The following GLIS3 variants were observed in gnomAD, a reference collection of about 807,000 sequenced individuals.
GLIS3 encodes the protein zinc finger protein GLIS3.
A neutral mutation model predicts 78.6 loss-of-function variants in GLIS3; 53 were observed. The observed-to-expected ratio is 0.67, with a 90% CI of 0.54 to 0.85. The LOEUF (loss-of-function observed/expected upper bound fraction) is 0.85. Among genes scored for constraint, GLIS3 ranks in the 40% least tolerant of loss-of-function variants. The pLI, the probability that GLIS3 is intolerant of heterozygous loss-of-function variation, is 0.00. For missense variants in GLIS3, 1,703 were observed against 1,231.1 expected (o/e 1.38, Z -5.74); for synonymous variants, 684 against 509.9 (o/e 1.34, Z -4.60).
chr9:4,221,229 G>A (rs763522262), intron 2 of GLIS3, among the ~76,000 whole-genome samples: 6 of 152,078 alleles, frequency 3.9e-5, no homozygotes, highest in Non-Finnish European at 2.9e-5. Flanking sequence ...AAAATGATAA[G>A]GCAGAAATGA....
the GLIS3 span, among the ~76,000 whole-genome samples, chr9:4,400,770 C>T: frequency 6.6e-6 from 1 of 152,220 alleles, no homozygotes; most frequent in African/African-American, 2.4e-5. Context: ...GAGGACCCTG[C>T]TCCAGGCCCT....
chr9:4,434,863 C>G, the GLIS3 span, among the ~76,000 whole-genome samples: 1 of 152,190 alleles, frequency 6.6e-6, no homozygotes, highest in African/African-American at 2.4e-5. Context: ...CCATGTGAGA[C>G]CAGTGCTGAG....
At chr9:4,183,294 A>G (rs757707049) in intron 2 of GLIS3, among the ~76,000 whole-genome samples, 12 of 152,230 alleles carry the variant, frequency 7.9e-5, no homozygotes, top group Non-Finnish European at 1.8e-4. Context: ...ATAAGAGTCC[A>G]TGGTTTTAAG....
At chr9:3,839,331 G>GTTTT (rs1384646459) in intron 9 of GLIS3, among the ~76,000 whole-genome samples, 1 of 152,180 alleles carries the variant, frequency 6.6e-6, no homozygotes. Flanking sequence ...CAAATGGGCA[G>GTTTT]CAGAATGAAA....
intron 2 of GLIS3, among the ~76,000 whole-genome samples, chr9:4,232,588 G>T (rs10974399): frequency 0.41 from 62,357 of 151,664 alleles, 13,784 homozygotes; most frequent in South Asian, 0.67. Context: ...GGTTTGTTTG[G>T]AAGTCAATAT....
chr9:4,118,686 A>C lies in GLIS3; in HGVS notation c.792T>G (p.Ser264Arg), dbSNP rs745409957. The C allele has an allele frequency of 1.2e-6, 2 of 1,614,076 alleles. No individual in the cohort carries two copies. Among genetic ancestry groups the C allele is most frequent in the Non-Finnish European group, 1.7e-6 (2 of 1,180,008 alleles). The change falls in exon 4 of 11, where the codon AGT becomes AGG. Residue 264 changes from serine to arginine, a missense_variant. Transcript: ENST00000381971. This position sits in a 1 kb window ranked among gnomAD's most constrained non-coding sequence, Gnocchi z 4.7. ...GGTAGGATGGTAATGAGTTAGAGAC[A>C]CTATTGCTGGACATGGATGTCCCGG... is the stretch of plus-strand genomic sequence containing the variant. ...LPPGTSMSSN[S>R]VSNSLPSYLF...
intron 2 of GLIS3, among the ~76,000 whole-genome samples, chr9:4,283,545 C>T (rs866446475): frequency 2.6e-5 from 4 of 152,234 alleles, no homozygotes; most frequent in South Asian, 2.1e-4. Context: ...GGATTACAAG[C>T]GTGAGCCATC....
chr9:4,247,841 G>A (rs892724153), intron 2 of GLIS3, among the ~76,000 whole-genome samples: 3 of 152,136 alleles, frequency 2.0e-5, no homozygotes, highest in African/African-American at 7.2e-5. Flanking sequence ...ATAATTTGCA[G>A]TGATTAAATC....
chr9:3,996,170 C>A (rs1227269018), intron 4 of GLIS3, among the ~76,000 whole-genome samples: 1 of 152,038 alleles, frequency 6.6e-6, no homozygotes, highest in South Asian at 2.1e-4. Flanking sequence ...TTACACATAC[C>A]TTTCAAGAGC....
the GLIS3 span, among the ~76,000 whole-genome samples, chr9:4,408,444 A>T: frequency 6.6e-6 from 1 of 151,550 alleles, no homozygotes; most frequent in Non-Finnish European, 1.5e-5. Flanking sequence ...AAAAAAAAAA[A>T]ATAGGCCGGG....
chr9:4,298,136 G>A (rs1478546510), intron 1 of GLIS3, among the ~76,000 whole-genome samples: 11 of 152,122 alleles, frequency 7.2e-5, no homozygotes. Context: ...GGGGCCGAAA[G>A]GGTGCTGCGG....
chr9:4,407,807 A>C, the GLIS3 span, among the ~76,000 whole-genome samples: 1 of 152,224 alleles, frequency 6.6e-6, no homozygotes, highest in Non-Finnish European at 1.5e-5. Flanking sequence ...CAAAGAAAAC[A>C]ATCAACAAAG....
chr9:4,093,350 C>T (rs1368305701), intron 4 of GLIS3, among the ~76,000 whole-genome samples: 1 of 152,096 alleles, frequency 6.6e-6, no homozygotes, highest in Non-Finnish European at 1.5e-5. Flanking sequence ...AGTGTTTGCA[C>T]TGAGTAAGGC....
intron 2 of GLIS3, among the ~76,000 whole-genome samples, chr9:4,207,764 G>A (rs910989806): frequency 4.6e-5 from 7 of 152,144 alleles, no homozygotes; most frequent in Non-Finnish European, 8.8e-5. Context: ...CCCAGAACAG[G>A]CAGCCTGGCC....
the GLIS3 span, among the ~76,000 whole-genome samples, chr9:4,443,570 G>C: frequency 3.3e-5 from 5 of 152,176 alleles, no homozygotes; most frequent in African/African-American, 1.2e-4. Context: ...GACTAACATA[G>C]CAGGAAGCAA....
chr9:3,995,771 A>G (rs962299754), intron 4 of GLIS3, among the ~76,000 whole-genome samples: 1 of 152,126 alleles, frequency 6.6e-6, no homozygotes, highest in Non-Finnish European at 1.5e-5. Context: ...CAAAGAGACA[A>G]AGTGAGAAAA....
rs147297535 is a variant in GLIS3, at chr9:3,879,543, G to A, written c.2181C>T (p.Ala727=). 5.5e-5 allele frequency: 89 copies of A among 1,613,908 alleles called. No homozygotes were observed. Among genetic ancestry groups the A allele is most frequent in the South Asian group, 2.0e-4 (18 of 91,074 alleles). The part of the protein sequence containing the change: ...YSSRSGTAAG[A]VPPPHPVSHP... Reference sequence around the variant, plus strand: ...GACTGACAGGATGTGGGGGTGGTACGGCCCCAGCAGCTGTTCCACTTCGGC... The same window carrying A: ...GACTGACAGGATGTGGGGGTGGTACAGCCCCAGCAGCTGTTCCACTTCGGC... The change falls in exon 8 of 11, where the codon GCC becomes GCT. Residue 727 remains alanine, a synonymous_variant. Coordinates refer to ENST00000381971, the MANE Select transcript of GLIS3 (RefSeq NM_001042413.2).
intron 2 of GLIS3, among the ~76,000 whole-genome samples, chr9:4,208,352 T>C (rs1820064908): frequency 6.6e-6 from 1 of 152,204 alleles, no homozygotes. Context: ...CAAGTTCTGA[T>C]CTTCAGTGGG....
At chr9:4,200,195 C>A (rs889691665) in intron 2 of GLIS3, among the ~76,000 whole-genome samples, 1 of 151,896 alleles carries the variant, frequency 6.6e-6, no homozygotes, top group East Asian at 1.9e-4. Context: ...ACCTACCTTG[C>A]AAAATTATAA....
Sources: allele counts gnomAD v4.1 joint callset (sites outside exome capture counted in the v4.1 genomes callset), GRCh38; gene constraint gnomAD v4.1.1; non-coding constraint Gnocchi (gnomAD v3.1); transcripts MANE v1.5; gene names NCBI Gene and HGNC (gene_info 2026-07-23, HGNC 2026-07-21).